Variants in PLCL2 observed in about 807,000 individuals in gnomAD.
PLCL2 encodes the protein inactive phospholipase C-like protein 2.
A neutral mutation model predicts 79.6 loss-of-function variants in PLCL2; 4 were observed. That is an observed-to-expected ratio of 0.05 (90% CI 0.02 to 0.11). The LOEUF is 0.11. PLCL2 is among the 10% of genes least tolerant of loss of function. PLCL2 has a pLI of 1.00. For missense variants in PLCL2, 895 were observed against 1,291.0 expected, an observed-to-expected ratio of 0.69 and a Z score of 4.70; for synonymous variants, 484 against 457.7, an observed-to-expected ratio of 1.06 and a Z score of -0.73.
intron 1 of PLCL2, among the ~76,000 whole-genome samples, chr3:16,984,322 T>A (rs1347470547): frequency 6.6e-6 from 1 of 152,172 alleles, no homozygotes; most frequent in Non-Finnish European, 1.5e-5. Flanking sequence ...CCTTTCCACT[T>A]CATTTATTGA....
chr3:16,994,892 C>T (rs1286406024), intron 1 of PLCL2, among the ~76,000 whole-genome samples: 27 of 152,208 alleles, frequency 1.8e-4, no homozygotes, highest in African/African-American at 6.3e-4. Flanking sequence ...GTGGGCTATA[C>T]AGGCATCGTG....
At chr3:16,950,275 T>C (rs1040180460) in intron 1 of PLCL2, among the ~76,000 whole-genome samples, 2 of 152,212 alleles carry the variant, frequency 1.3e-5, no homozygotes, top group African/African-American at 4.8e-5. Context: ...GGACAAGATA[T>C]GTCTCTTCTT....
intron 4 of PLCL2, among the ~76,000 whole-genome samples, chr3:17,044,453 G>C (rs2124922409): frequency 6.6e-6 from 1 of 152,274 alleles, no homozygotes; most frequent in East Asian, 1.9e-4. Flanking sequence ...GTTACCTAAA[G>C]CATTCTATTC....
At chr3:17,021,179 G>A (rs2064447518) in intron 3 of PLCL2, among the ~76,000 whole-genome samples, 1 of 152,186 alleles carries the variant, frequency 6.6e-6, no homozygotes, top group Non-Finnish European at 1.5e-5. Flanking sequence ...GGAAGGGAGG[G>A]TGGAAGGGAG....
At chr3:16,899,591 C>CT (rs944050321) in intron 1 of PLCL2, among the ~76,000 whole-genome samples, 11 of 152,128 alleles carry the variant, frequency 7.2e-5, no homozygotes, top group East Asian at 1.9e-4. Flanking sequence ...GTTTTCTCCT[C>CT]TTTTTTCTGT....
At chr3:17,078,179 G>T (rs1488001654) in intron 5 of PLCL2, among the ~76,000 whole-genome samples, 3 of 152,174 alleles carry the variant, frequency 2.0e-5, no homozygotes, top group Admixed American at 6.5e-5. Context: ...GTCCAGGAAG[G>T]TATTGTCAGC....
chr3:16,898,836 G>A (rs1553633215), intron 1 of PLCL2, among the ~76,000 whole-genome samples: 1 of 152,100 alleles, frequency 6.6e-6, no homozygotes, highest in Non-Finnish European at 1.5e-5. Context: ...TCCACACCAG[G>A]TCACACATGG....
intron 1 of PLCL2, among the ~76,000 whole-genome samples, chr3:16,988,956 G>T (rs984275258): frequency 1.3e-5 from 2 of 152,004 alleles, no homozygotes; most frequent in South Asian, 2.1e-4. Flanking sequence ...AGTATTTGAT[G>T]ATTTATTTGG....
intron 5 of PLCL2, among the ~76,000 whole-genome samples, chr3:17,071,480 T>C (rs1283497884): frequency 6.6e-6 from 1 of 152,200 alleles, no homozygotes; most frequent in Non-Finnish European, 1.5e-5. Context: ...TTTGTTGTTA[T>C]AAATCTATCT....
In PLCL2 at chr3:16,983,531, G is replaced by A. The variant is rs959118204; in HGVS notation, c.328-26143G>A. On this transcript the variant is annotated intron_variant, in intron 1 of 5. Coordinates refer to ENST00000615277, the MANE Select transcript of PLCL2 (RefSeq NM_001144382.2). ...CAAAAATACAAAAAATTAGTTGGGC[G>A]TGGTGGCCGGCACCTGTAATCCCAG... 3.3e-5 allele frequency among the ~76,000 whole-genome samples: 5 copies of A among 152,292 alleles called. No homozygotes were observed. In the South Asian group the frequency reaches 1.0e-3, roughly 32 times the overall value.
chr3:17,053,236 GTC>G (rs2064859936), intron 4 of PLCL2, among the ~76,000 whole-genome samples: 1 of 139,924 alleles, frequency 7.1e-6, no homozygotes, highest in South Asian at 2.3e-4. Flanking sequence ...TTCTGTGTAG[GTC>G]TCAGGAAACT....
chr3:17,071,558 C>T (rs898829470), intron 5 of PLCL2, among the ~76,000 whole-genome samples: 2 of 152,048 alleles, frequency 1.3e-5, no homozygotes, highest in Admixed American at 6.5e-5. Context: ...CATTATTAGA[C>T]GTAGGTGACT....
Position 16,995,555 on chromosome 3 carries a change from A to G in PLCL2, c.328-14119A>G, listed in dbSNP as rs559274318. ...GCAGTCTCTTTACTACCCCAAATCC[A>G]TGTAATTGTTGTTCACTCTGATTGG... On this transcript the variant is annotated intron_variant, in intron 1 of 5. Coordinates refer to ENST00000615277, the MANE Select transcript of PLCL2 (RefSeq NM_001144382.2). Among the ~76,000 whole-genome samples, 194 of 152,252 alleles carry G rather than the reference A, an allele frequency of 1.3e-3. 2 individuals carry two copies. The Middle Eastern group carries it at 0.014, about 11-fold the overall frequency.
At chr3:17,064,316 CT>C (rs2064986030) in intron 4 of PLCL2, among the ~76,000 whole-genome samples, 1 of 152,100 alleles carries the variant, frequency 6.6e-6, no homozygotes, top group Non-Finnish European at 1.5e-5. Flanking sequence ...ATCTCATTCT[CT>C]CTCTCTCTCT....
At chr3:16,956,060 A>G (rs1005873890) in intron 1 of PLCL2, among the ~76,000 whole-genome samples, 2 of 152,136 alleles carry the variant, frequency 1.3e-5, no homozygotes, top group African/African-American at 2.4e-5. Flanking sequence ...AACTTCCAAC[A>G]CTATGTTGAA....
At position 17,089,992 on chromosome 3, in the gene PLCL2, C is replaced by A; in HGVS notation, c.*80C>A. The A allele has an allele frequency of 6.8e-7, 1 of 1,470,728 alleles. No individual in the cohort carries two copies. Among genetic ancestry groups the A allele is most frequent in the Admixed American group, 2.6e-5 (1 of 38,044 alleles). The allele number at this position is 1,470,728 out of a possible 1,614,324, so 91.1% of individuals were successfully genotyped here. ...AGATGGGACATTTGCTTTGCACTCACTAATGAGAATAATATTCGGGATTTT... is the reference window on the plus strand; with the variant it reads ...AGATGGGACATTTGCTTTGCACTCAATAATGAGAATAATATTCGGGATTTT... On this transcript the variant is annotated 3_prime_UTR_variant, in exon 6 of 6. Coordinates refer to ENST00000615277, the MANE Select transcript of PLCL2 (RefSeq NM_001144382.2).
At chr3:16,980,036 G>A (rs1382351272) in intron 1 of PLCL2, among the ~76,000 whole-genome samples, 3 of 143,644 alleles carry the variant, frequency 2.1e-5, no homozygotes, top group Admixed American at 6.8e-5. Context: ...TTCCCAGTAG[G>A]GGCGGCCGGG....
Position 17,052,216 on chromosome 3 carries a change from GA to G in PLCL2, c.3094+9270del, listed in dbSNP as rs374256735. On this transcript the variant is annotated intron_variant, in intron 4 of 5. Transcript: ENST00000615277. The stretch of plus-strand genomic sequence containing the variant: ...TAACAGAGCTGCTGAAAGAAATCAT[GA>G]AATAGATTGTGAATATGGCAAAAAA... Among the ~76,000 whole-genome samples the G allele has an allele frequency of 4.1e-3, 506 of 123,900 alleles. 3 individuals carry two copies. Among genetic ancestry groups the G allele is most frequent in the African/African-American group, 0.015 (490 of 32,796 alleles). The allele number at this position is 123,900 out of a possible 152,430, so 81.3% of individuals were successfully genotyped here. A position where few individuals can be genotyped will look rare whatever the true frequency, so the allele number is the denominator to read the frequency against.
chr3:16,885,390 C>A, intron 1 of PLCL2, 24 bp downstream of exon 1: 1 of 578,774 alleles, frequency 1.7e-6, no homozygotes, highest in Non-Finnish European at 3.0e-6. Context: ...GGGCGCTCAT[C>A]GCCCACCCTC....
Sources: allele counts gnomAD v4.1 joint callset (sites outside exome capture counted in the v4.1 genomes callset), GRCh38; gene constraint gnomAD v4.1.1; transcripts MANE v1.5; gene names NCBI Gene and HGNC (gene_info 2026-07-23, HGNC 2026-07-21).